DPP6: variants seen among roughly 807,000 people sequenced by gnomAD.
DPP6 encodes A-type potassium channel modulatory protein DPP6.
In DPP6, 69 loss-of-function variants were observed where a neutral mutation model predicts 122.6. That is an observed-to-expected ratio of 0.56 (90% CI 0.46 to 0.69). The LOEUF is 0.69. Among genes scored for constraint, DPP6 ranks in the 30% least tolerant of loss-of-function variants. The pLI, the probability that DPP6 is intolerant of heterozygous loss-of-function variation, is 0.00. For synonymous variants in DPP6, 418 were observed against 433.1 expected (o/e 0.97, Z 0.43); for missense variants, 928 against 1,116.9 (o/e 0.83, Z 2.41).
At chr7:153,928,209 C>G (rs1800994542) in intron 1 of DPP6, among the ~76,000 whole-genome samples, 1 of 148,630 alleles carries the variant, frequency 6.7e-6, no homozygotes, top group Non-Finnish European at 1.5e-5. Flanking sequence ...GTTTTCTTTT[C>G]TTTTTTTCTT....
chr7:153,867,933 G>C, the DPP6 span, among the ~76,000 whole-genome samples: 1 of 152,178 alleles, frequency 6.6e-6, no homozygotes, highest in Non-Finnish European at 1.5e-5. Context: ...CTTTGGTTCT[G>C]TTTATATGCT....
At chr7:154,202,533 T>C (rs1476016457) in intron 1 of DPP6, among the ~76,000 whole-genome samples, 1 of 152,156 alleles carries the variant, frequency 6.6e-6, no homozygotes, top group Admixed American at 6.5e-5. Context: ...ACCCTGTTAG[T>C]TTCCCCCAAA....
intron 1 of DPP6, among the ~76,000 whole-genome samples, chr7:154,421,758 C>T (rs1446007880): frequency 6.6e-6 from 1 of 152,172 alleles, no homozygotes; most frequent in African/African-American, 2.4e-5. Context: ...AAAGCTTTTG[C>T]TGAACCCAGT....
At chr7:154,133,017 A>C (rs1196204264) in intron 1 of DPP6, among the ~76,000 whole-genome samples, 1 of 151,840 alleles carries the variant, frequency 6.6e-6, no homozygotes, top group Non-Finnish European at 1.5e-5. Context: ...TATATTGTTT[A>C]TATCGTTGTC....
At chr7:153,961,422 T>C (rs1015719840) in intron 1 of DPP6, among the ~76,000 whole-genome samples, 3 of 151,168 alleles carry the variant, frequency 2.0e-5, no homozygotes, top group African/African-American at 7.3e-5. Context: ...GATTCTAGGT[T>C]TATGGAGAGC....
At chr7:153,785,496 G>A in the DPP6 span, among the ~76,000 whole-genome samples, 2 of 152,134 alleles carry the variant, frequency 1.3e-5, no homozygotes, top group South Asian at 4.2e-4. Context: ...TCTTTTTCAA[G>A]CATTTTCTAG....
At chr7:154,385,427 C>T (rs1312004129) in intron 1 of DPP6, among the ~76,000 whole-genome samples, 3 of 152,088 alleles carry the variant, frequency 2.0e-5, no homozygotes, top group South Asian at 2.1e-4. Context: ...GATCAGATTC[C>T]GCCTCCACAG....
chr7:154,131,109 C>G (rs569862001), intron 1 of DPP6, among the ~76,000 whole-genome samples: 1 of 152,128 alleles, frequency 6.6e-6, no homozygotes, highest in Non-Finnish European at 1.5e-5. Flanking sequence ...GGTTAGATCT[C>G]TGCTTTCCAC....
intron 1 of DPP6, among the ~76,000 whole-genome samples, chr7:154,302,466 C>G (rs1226004018): frequency 6.6e-6 from 1 of 152,236 alleles, no homozygotes; most frequent in Non-Finnish European, 1.5e-5. Context: ...GTGGCACAAC[C>G]TGGCCTGGTT....
the DPP6 span, among the ~76,000 whole-genome samples, chr7:153,848,247 C>T: frequency 6.8e-6 from 1 of 146,076 alleles, no homozygotes; most frequent in Non-Finnish European, 1.5e-5. Flanking sequence ...GCCCCCCCAC[C>T]AATCCCCCAA....
intron 1 of DPP6, among the ~76,000 whole-genome samples, chr7:154,304,240 G>A (rs543642637): frequency 6.6e-6 from 1 of 152,364 alleles, no homozygotes; most frequent in East Asian, 1.9e-4. Flanking sequence ...CTGGAGTGCA[G>A]AGAAAGAGTG....
At chr7:154,627,000 CTTTTTTTTTTTTTTTTT>C (rs552919287) in intron 5 of DPP6, among the ~76,000 whole-genome samples, 2 of 52,092 alleles carry the variant, frequency 3.8e-5, no homozygotes, top group Non-Finnish European at 6.7e-5. Flanking sequence ...GAAATTTTTT[CTTTTTTTTTTTTTTTTT>C]TTTTTTTTTT....
chr7:153,826,058 T>A, the DPP6 span, among the ~76,000 whole-genome samples: 1 of 152,196 alleles, frequency 6.6e-6, no homozygotes, highest in East Asian at 1.9e-4. Context: ...TATGGAGATG[T>A]CTTCATATAA....
chr7:154,853,251 G>A (rs1487682609), intron 16 of DPP6, among the ~76,000 whole-genome samples: 1 of 152,212 alleles, frequency 6.6e-6, no homozygotes, highest in Non-Finnish European at 1.5e-5. Context: ...CTGCAGCTGG[G>A]AAGCTGCCAG....
intron 1 of DPP6, among the ~76,000 whole-genome samples, chr7:153,973,967 C>G (rs988396405): frequency 2.6e-5 from 4 of 151,634 alleles, no homozygotes; most frequent in African/African-American, 7.3e-5. Flanking sequence ...CCCGATGAAC[C>G]CTTAGCCATC....
intron 1 of DPP6, among the ~76,000 whole-genome samples, chr7:154,374,144 C>A (rs1176636832): frequency 6.6e-6 from 1 of 152,012 alleles, no homozygotes; most frequent in Non-Finnish European, 1.5e-5. Context: ...CATGAAGAAA[C>A]CACAGATTTT....
At chr7:154,674,315 T>A (rs574200084) in intron 7 of DPP6, among the ~76,000 whole-genome samples, 1 of 152,334 alleles carries the variant, frequency 6.6e-6, no homozygotes, top group South Asian at 2.1e-4. Context: ...TTTCCTGATA[T>A]GGTATTTCTA....
chr7:154,617,858 G>T lies in DPP6; in HGVS notation c.628-19963G>T, dbSNP rs1383837990. ...TTAGTAGCACTGGAAAACCCAGGAG[G>T]ACAAAGATTCTCCAGGTCATCGGGA... On this transcript the variant is annotated intron_variant, in intron 5 of 25. Transcript: ENST00000377770. Among the ~76,000 whole-genome samples the T allele has an allele frequency of 5.3e-5, 8 of 152,270 alleles. No individual in the cohort carries two copies. In the East Asian group the frequency reaches 1.5e-3, roughly 29 times the overall value.
chr7:154,418,028 A>T (rs1420043232), intron 1 of DPP6, among the ~76,000 whole-genome samples: 2 of 152,174 alleles, frequency 1.3e-5, no homozygotes, highest in Non-Finnish European at 2.9e-5. Context: ...CTATAATCCA[A>T]CCATACTGGG....
Sources: gnomAD v4.1 joint callset for allele counts (sites outside exome capture counted in the v4.1 genomes callset) on GRCh38, gnomAD v4.1.1 for gene constraint, MANE v1.5 for transcripts, NCBI Gene and HGNC (gene_info 2026-07-23, HGNC 2026-07-21) for gene names.